PGC: variants seen among roughly 807,000 people sequenced by gnomAD.
The protein encoded by PGC is gastricsin.
PGC carries 31 observed loss-of-function variants against 45.9 expected under a neutral mutation model. That is an observed-to-expected ratio of 0.67 (90% CI 0.51 to 0.91). The LOEUF (loss-of-function observed/expected upper bound fraction) is 0.91. Ranked by LOEUF, PGC falls within the 40% of genes least tolerant of loss-of-function variation. PGC has a pLI of 0.00. For missense variants in PGC, 477 were observed against 493.2 expected (o/e 0.97, Z 0.31); for synonymous variants, 192 against 201.8 (o/e 0.95, Z 0.41).
Position 41,744,584 on chromosome 6 carries a change from G to T in PGC, c.211-70C>A. ...GCCCCAGGCTCCTCCATGGGCAGAG[G>T]AGTGAAGGGACCTGCCCCTTCCCTC... is the stretch of plus-strand genomic sequence containing the variant. On this transcript the variant is annotated intron_variant, in intron 2 of 8. Transcript: ENST00000373025. This position sits in a 1 kb window ranked among gnomAD's most constrained non-coding sequence, Gnocchi z 4.4. 4 of 1,588,976 alleles carry T rather than the reference G, an allele frequency of 2.5e-6. No homozygotes were observed. The highest frequency in any genetic ancestry group is 3.4e-6 in the Non-Finnish European group (4 of 1,160,572).
At chr6:41,746,235 G>A (rs918675741) in intron 1 of PGC, among the ~76,000 whole-genome samples, 10 of 152,124 alleles carry the variant, frequency 6.6e-5, no homozygotes, top group Admixed American at 2.0e-4. Context: ...CAGCCCTCAG[G>A]CACCTGGCAC....
chr6:41,743,165 G>T, intron 4 of PGC, 106 bp downstream of exon 4: 2 of 771,476 alleles, frequency 2.6e-6, no homozygotes, highest in South Asian at 1.5e-5. Context: ...TTCCTGTCCT[G>T]CACACCAGAA....
At chr6:41,741,872 C>T in intron 5 of PGC, 1 of 1,498,760 alleles carries the variant, frequency 6.7e-7, no homozygotes. Context: ...GGAGATGAAG[C>T]AATACATTAC....
intron 3 of PGC, 39 bp from the exon 4 acceptor site, chr6:41,743,428 G>T: frequency 7.8e-7 from 1 of 1,277,478 alleles, no homozygotes; most frequent in Non-Finnish European, 1.1e-6. Flanking sequence ...AGGCCGGCTG[G>T]GGCAGGGCTG....
At chr6:41,742,772 G>C (rs748174950) in intron 4 of PGC, among the ~76,000 whole-genome samples, 1 of 152,156 alleles carries the variant, frequency 6.6e-6, no homozygotes, top group African/African-American at 2.4e-5. Flanking sequence ...CTGCAGGCGC[G>C]TGCCACCACG....
chr6:41,741,362 A>C, intron 5 of PGC: 1 of 804,334 alleles, frequency 1.2e-6, no homozygotes, highest in Non-Finnish European at 1.9e-6. Context: ...GTGGCTGCCT[A>C]AGGCCGGGCG....
At position 41,740,616 on chromosome 6, in the gene PGC, G is replaced by T; in HGVS notation, c.648-6C>A. The T allele has an allele frequency of 6.3e-7, 1 of 1,589,256 alleles. No homozygotes were observed. The highest frequency in any genetic ancestry group is 8.6e-7 in the Non-Finnish European group (1 of 1,169,148). ...CCCCGCTGGAGCCCTGCTGGCTGCA[G>T]GAGAGAAAGGGAAGGGGAAGTCAGG... On this transcript the variant is annotated splice_region_variant and splice_polypyrimidine_tract_variant and intron_variant, in intron 5 of 8. Coordinates refer to ENST00000373025, the MANE Select transcript of PGC (RefSeq NM_002630.4).
Position 41,740,629 on chromosome 6 carries a change from AG to A in PGC, c.648-20del. On this transcript the variant is annotated intron_variant, in intron 5 of 8. Coordinates refer to ENST00000373025, the MANE Select transcript of PGC (RefSeq NM_002630.4). ...CTGCTGGCTGCAGGAGAGAAAGGGA[AG>A]GGGAAGTCAGGGAGTGCCATGGAAA... 1 of 1,578,202 alleles carries A rather than the reference AG, an allele frequency of 6.3e-7. No homozygotes were observed. The highest frequency in any genetic ancestry group is 1.4e-5 in the African/African-American group (1 of 73,178).
At chr6:41,740,445 C>T (rs777425747) in intron 6 of PGC, 46 bp downstream of exon 6, 1 of 1,571,276 alleles carries the variant, frequency 6.4e-7, no homozygotes, top group South Asian at 1.2e-5. Context: ...CCTGGAAGCC[C>T]ACTCCAAGGA....
intron 7 of PGC, 96 bp from the exon 8 acceptor site, chr6:41,737,924 G>T: frequency 1.4e-6 from 1 of 728,400 alleles, no homozygotes; most frequent in Non-Finnish European, 2.4e-6. Context: ...CCTGAGCTCC[G>T]GGCCCAAGCC....
At chr6:41,742,243 C>G in intron 5 of PGC, 47 bp downstream of exon 5, 1 of 1,560,886 alleles carries the variant, frequency 6.4e-7, no homozygotes, top group Non-Finnish European at 8.8e-7. Context: ...TCCAGGGCGG[C>G]CGGGGGAGCA....
At chr6:41,741,855 G>C in intron 5 of PGC, 1 of 1,527,570 alleles carries the variant, frequency 6.5e-7, no homozygotes. Context: ...TAGAACAATA[G>C]ATAAAAGGAG....
chr6:41,745,302 A>C (rs1771911233), intron 1 of PGC, among the ~76,000 whole-genome samples: 1 of 151,474 alleles, frequency 6.6e-6, no homozygotes. Context: ...GCAATGGCAC[A>C]ATCTCCGCTC....
intron 7 of PGC, among the ~76,000 whole-genome samples, chr6:41,738,239 T>TACAC (rs1771750946): frequency 2.0e-5 from 1 of 49,882 alleles, no homozygotes; most frequent in Admixed American, 2.2e-4. Context: ...TATATATATG[T>TACAC]ATATATATAT....
In PGC at chr6:41,744,821, T is replaced by C. The variant is rs1197879536; in HGVS notation, c.60-13A>G. On this transcript the variant is annotated splice_polypyrimidine_tract_variant and intron_variant, in intron 1 of 8. Coordinates refer to ENST00000373025, the MANE Select transcript of PGC (RefSeq NM_002630.4). The surrounding 1 kb of genome is among the most constrained non-coding windows in gnomAD (Gnocchi z 4.4). ...CTTCAGGGGCACTCTACAGAAAGGT[T>C]GCATATGAGGCAAGGCCCTCCCTCC... The C allele has an allele frequency of 1.9e-6, 3 of 1,612,310 alleles. No individual in the cohort carries two copies. The highest frequency in any genetic ancestry group is 2.2e-5 in the East Asian group (1 of 44,840).
chr6:41,738,116 C>CTATATACATATA (rs1771722248), intron 7 of PGC, among the ~76,000 whole-genome samples: 1 of 71,658 alleles, frequency 1.4e-5, no homozygotes, highest in Non-Finnish European at 3.4e-5. Flanking sequence ...CTGCAAGTGC[C>CTATATACATATA]TATATACATA....
At chr6:41,745,508 C>T (rs949110808) in intron 1 of PGC, among the ~76,000 whole-genome samples, 3 of 149,856 alleles carry the variant, frequency 2.0e-5, no homozygotes, top group African/African-American at 5.0e-5. Context: ...AAAGTGCTGG[C>T]ATTACAGGTG....
In PGC at chr6:41,744,704, C is replaced by A. The variant is rs146894860; in HGVS notation, c.164G>T (p.Arg55Leu). 2.5e-6 allele frequency: 4 copies of A among 1,614,022 alleles called. No homozygotes were observed. The highest frequency in any genetic ancestry group is 1.7e-5 in the Admixed American group (1 of 60,014). ...GTAGGTCACGCTGAGGTCACCAAAGCGGTACTTCCAAGCAGGATCATACTT... is the reference window on the plus strand; with the variant it reads ...GTAGGTCACGCTGAGGTCACCAAAGAGGTACTTCCAAGCAGGATCATACTT... Reference protein sequence around the residue: ...THKYDPAWKYRFGDLSVTYEP... With the variant: ...THKYDPAWKYLFGDLSVTYEP... The change falls in exon 2 of 9, where the codon CGC (arginine) becomes CTC (leucine). Residue 55 changes from arginine (R) to leucine (L), a missense_variant. Arg to Leu is a moderately radical substitution (Grantham distance 102). Transcript: ENST00000373025. The surrounding 1 kb of genome is among the most constrained non-coding windows in gnomAD (Gnocchi z 4.4).
In PGC at chr6:41,739,937, G is replaced by T; in HGVS notation, c.777C>A (p.Ile259=). ...AACACCAGCCGGAGGCCTGGCCGCC[G>T]ATGAGGAACCTGTATGGGGAGAAGA... ...YWQIGIEEFL[I]GGQASGWCSE... is the part of the protein sequence containing the mutation. The change falls in exon 7 of 9, where the codon ATC becomes ATA. Residue 259 remains isoleucine, a synonymous_variant. Coordinates refer to ENST00000373025, the MANE Select transcript of PGC (RefSeq NM_002630.4). The T allele has an allele frequency of 6.2e-7, 1 of 1,613,962 alleles. No homozygotes were observed. Among genetic ancestry groups the T allele is most frequent in the Middle Eastern group, 1.7e-4 (1 of 6,052 alleles).
Sources: allele counts gnomAD v4.1 joint callset (sites outside exome capture counted in the v4.1 genomes callset), GRCh38; gene constraint gnomAD v4.1.1; non-coding constraint Gnocchi (gnomAD v3.1); transcripts MANE v1.5; gene names NCBI Gene and HGNC (gene_info 2026-07-23, HGNC 2026-07-21).